The following TLK2 variants were observed in gnomAD, a reference collection of about 807,000 sequenced individuals.
TLK2 encodes serine/threonine-protein kinase tousled-like 2.
A neutral mutation model predicts 117.3 loss-of-function variants in TLK2; 6 were observed. The ratio of observed to expected loss-of-function variants is 0.05; its 90% CI spans 0.03 to 0.10. The LOEUF (loss-of-function observed/expected upper bound fraction) is 0.10. Among genes scored for constraint, TLK2 ranks in the 10% least tolerant of loss-of-function variants. The probability of loss-of-function intolerance (pLI) is 1.00; values close to 1 mark genes in which losing one functional copy is unlikely to be tolerated. For synonymous variants in TLK2, 257 were observed against 316.7 expected (o/e 0.81, Z 2.00); for missense variants, 299 against 901.2 (o/e 0.33, Z 8.56).
intron 17 of TLK2, among the ~76,000 whole-genome samples, chr17:62,598,383 G>A (rs546239156): frequency 6.6e-6 from 1 of 152,224 alleles, no homozygotes; most frequent in South Asian, 2.1e-4. Flanking sequence ...TTCTTGAGTT[G>A]ATTACTTTGT....
chr17:62,576,966 C>CTTTTTTT (rs59523807), intron 13 of TLK2, among the ~76,000 whole-genome samples, 191 bp downstream of exon 13: 4 of 115,926 alleles, frequency 3.5e-5, no homozygotes, highest in South Asian at 3.2e-4. Context: ...CTTTCTTCTT[C>CTTTTTTT]TTTTTTTTTT....
intron 18 of TLK2, 126 bp downstream of exon 18, chr17:62,600,946 G>A: frequency 1.0e-6 from 1 of 966,504 alleles, no homozygotes; most frequent in Non-Finnish European, 1.5e-6. Context: ...ACTTTTGATT[G>A]CCTGGGTAGG....
chr17:62,507,118 G>GT (rs1163733199), intron 2 of TLK2, among the ~76,000 whole-genome samples: 4 of 151,486 alleles, frequency 2.6e-5, no homozygotes, highest in South Asian at 2.1e-4. Flanking sequence ...TGAAAGTGGG[G>GT]TTTTTTTTGG....
At chr17:62,553,281 C>G (rs966943605) in intron 8 of TLK2, among the ~76,000 whole-genome samples, 3 of 152,122 alleles carry the variant, frequency 2.0e-5, no homozygotes, top group Non-Finnish European at 4.4e-5. Context: ...TGATTGCTCT[C>G]TGTTTCCACC....
At chr17:62,473,657 C>T (rs566429333) in intron 1 of TLK2, among the ~76,000 whole-genome samples, 1 of 152,308 alleles carries the variant, frequency 6.6e-6, no homozygotes, top group Non-Finnish European at 1.5e-5. Context: ...GATTATGATG[C>T]AACCTAAAGT....
At chr17:62,605,011 A>G (rs2083171757) in intron 19 of TLK2, among the ~76,000 whole-genome samples, 1 of 152,006 alleles carries the variant, frequency 6.6e-6, no homozygotes, top group Admixed American at 6.5e-5. Context: ...ATCCAAGATC[A>G]TATTTAAGTT....
intron 15 of TLK2, among the ~76,000 whole-genome samples, chr17:62,583,462 G>A (rs796725650): frequency 2.0e-5 from 3 of 152,278 alleles, no homozygotes; most frequent in African/African-American, 7.2e-5. Flanking sequence ...TCTTTTGGAT[G>A]TATACCTAGA....
intron 10 of TLK2, among the ~76,000 whole-genome samples, chr17:62,563,655 T>C (rs2079483577): frequency 6.6e-6 from 1 of 152,174 alleles, no homozygotes; most frequent in Admixed American, 6.5e-5. Flanking sequence ...TTGAATTCTT[T>C]ACCGCGTCTG....
chr17:62,543,631 A>G (rs528338035), intron 7 of TLK2, among the ~76,000 whole-genome samples: 6 of 152,338 alleles, frequency 3.9e-5, no homozygotes, highest in African/African-American at 1.4e-4. Context: ...GCTTTTGTGC[A>G]TCTTCTTTGG....
At chr17:62,490,536 A>ATTTTTC (rs1029829151) in intron 2 of TLK2, among the ~76,000 whole-genome samples, 4 of 151,554 alleles carry the variant, frequency 2.6e-5, no homozygotes, top group Middle Eastern at 3.2e-3. Context: ...AATTTCATAG[A>ATTTTTC]TTTTTCTTTT....
intron 12 of TLK2, among the ~76,000 whole-genome samples, chr17:62,573,870 G>A (rs571803981): frequency 3.9e-5 from 6 of 152,296 alleles, no homozygotes; most frequent in African/African-American, 1.2e-4. Context: ...CATCAGAATT[G>A]TTTCCTGTTC....
intron 6 of TLK2, among the ~76,000 whole-genome samples, chr17:62,527,306 A>G (rs2076428976): frequency 1.3e-5 from 2 of 152,146 alleles, no homozygotes; most frequent in South Asian, 2.1e-4. Context: ...TGACACACCC[A>G]TGTACATACA....
Position 62,508,048 on chromosome 17 carries a change from TA to T in TLK2, c.82-12724del, listed in dbSNP as rs2074849709. Among the ~76,000 whole-genome samples, 4 of 152,090 alleles carry T rather than the reference TA, an allele frequency of 2.6e-5. No homozygotes were observed. The South Asian group carries it at 8.3e-4, about 31-fold the overall frequency. On this transcript the variant is annotated intron_variant, in intron 2 of 21. Coordinates refer to ENST00000346027, the MANE Select transcript of TLK2 (RefSeq NM_006852.6). ...GTAGTTTAAATGTTGTCATAGACAA[TA>T]TAACTTTTATGGAGAGATCTTATCA... is the stretch of plus-strand genomic sequence containing the variant.
Position 62,569,850 on chromosome 17 carries a change from G to T in TLK2, c.969-3365G>T, listed in dbSNP as rs534009751. On this transcript the variant is annotated intron_variant, in intron 11 of 21. Coordinates refer to ENST00000346027, the MANE Select transcript of TLK2 (RefSeq NM_006852.6). Reference sequence around the variant, plus strand: ...ATGCTGTAACAAATACCATAAACTGGGTAGTTTAAAGTAACAGAAATGTAT... The same window carrying T: ...ATGCTGTAACAAATACCATAAACTGTGTAGTTTAAAGTAACAGAAATGTAT... Among the ~76,000 whole-genome samples, 5 of 152,218 alleles carry T rather than the reference G, an allele frequency of 3.3e-5. No individual in the cohort carries two copies. The South Asian group carries it at 8.3e-4, about 25-fold the overall frequency.
intron 6 of TLK2, among the ~76,000 whole-genome samples, chr17:62,526,058 A>C (rs929149176): frequency 2.0e-5 from 3 of 152,224 alleles, no homozygotes; most frequent in African/African-American, 7.2e-5. Context: ...ACCTGAAGAC[A>C]AAAGAGATGA....
At chr17:62,562,432 A>G (rs1457789608) in intron 10 of TLK2, among the ~76,000 whole-genome samples, 1 of 152,216 alleles carries the variant, frequency 6.6e-6, no homozygotes, top group Non-Finnish European at 1.5e-5. Context: ...GAATACTTTA[A>G]AAATTTTAAA....
At chr17:62,558,288 G>A (rs141707079) in intron 9 of TLK2, among the ~76,000 whole-genome samples, 4 of 151,960 alleles carry the variant, frequency 2.6e-5, no homozygotes, top group Non-Finnish European at 4.4e-5. Context: ...TCAGCCTCCC[G>A]AACAGCTGGC....
chr17:62,589,147 CTGAT>C (rs1471721076), intron 16 of TLK2, among the ~76,000 whole-genome samples: 1 of 152,042 alleles, frequency 6.6e-6, no homozygotes, highest in Non-Finnish European at 1.5e-5. Flanking sequence ...AAAAAGTAAA[CTGAT>C]TGTTTTATTT....
intron 16 of TLK2, among the ~76,000 whole-genome samples, chr17:62,586,681 C>T (rs973716936): frequency 3.3e-5 from 5 of 151,880 alleles, no homozygotes; most frequent in Admixed American, 6.6e-5. Context: ...ATTAGTTGGG[C>T]GTGGTGGCAG....
Sources: gnomAD v4.1 joint callset for allele counts (sites outside exome capture counted in the v4.1 genomes callset) on GRCh38, gnomAD v4.1.1 for gene constraint, MANE v1.5 for transcripts, NCBI Gene and HGNC (gene_info 2026-07-23, HGNC 2026-07-21) for gene names.